Variants in DNAJC15 observed in about 807,000 individuals in gnomAD.
DNAJC15 encodes the protein DnaJ heat shock protein family (Hsp40) member C15.
In DNAJC15, 27 loss-of-function variants were observed where a neutral mutation model predicts 22.4. That is an observed-to-expected ratio of 1.20 (90% confidence interval 0.89 to 1.66). The LOEUF is 1.66. Among genes scored for constraint, DNAJC15 ranks in the 40% most tolerant of loss-of-function variants. The pLI, the probability that DNAJC15 is intolerant of heterozygous loss-of-function variation, is 0.00. For synonymous variants in DNAJC15, 79 were observed against 63.2 expected (o/e 1.25, Z -1.19); for missense variants, 208 against 187.1 (o/e 1.11, Z -0.65).
rs531121651 is a variant in DNAJC15 at position 43,093,761 on chromosome 13, A to G, written c.382+7923A>G. ...TATTTACCTATTAATTCATTTTAAA[A>G]TATTAAACTTCTTATATATTAGTAT... is the stretch of plus-strand genomic sequence containing the variant. On this transcript the variant is annotated intron_variant, in intron 5 of 5. Coordinates refer to ENST00000379221, the MANE Select transcript of DNAJC15 (RefSeq NM_013238.3). Among the ~76,000 whole-genome samples, 27 of 152,310 alleles carry G rather than the reference A, an allele frequency of 1.8e-4. 1 individual carries two copies. In the South Asian group the frequency reaches 4.8e-3, roughly 27 times the overall value.
intron 1 of DNAJC15, among the ~76,000 whole-genome samples, chr13:43,050,715 A>C (rs902709777): frequency 6.6e-6 from 1 of 152,236 alleles, no homozygotes; most frequent in Non-Finnish European, 1.5e-5. Flanking sequence ...ATTAAAATAC[A>C]AAGAGAGGTA....
At chr13:43,065,844 A>G in intron 2 of DNAJC15, 107 bp downstream of exon 2, 2 of 907,204 alleles carry the variant, frequency 2.2e-6, no homozygotes, top group Admixed American at 2.0e-5. Context: ...TGGTTTTCAG[A>G]CATAATACAT....
At chr13:43,066,947 A>T (rs1351398550) in intron 2 of DNAJC15, among the ~76,000 whole-genome samples, 2 of 152,352 alleles carry the variant, frequency 1.3e-5, no homozygotes, top group African/African-American at 2.4e-5. Flanking sequence ...TGAAGATCTA[A>T]AGTAAATTTG....
chr13:43,096,917 T>C (rs1019327260), intron 5 of DNAJC15, among the ~76,000 whole-genome samples: 3 of 152,116 alleles, frequency 2.0e-5, no homozygotes, highest in African/African-American at 7.2e-5. Flanking sequence ...AAACACCAAG[T>C]AGAGAGAGGC....
intron 4 of DNAJC15, among the ~76,000 whole-genome samples, chr13:43,079,549 T>C (rs2040652136): frequency 6.6e-6 from 1 of 152,040 alleles, no homozygotes; most frequent in South Asian, 2.1e-4. Flanking sequence ...TACCAGACAA[T>C]AGAAAATAGG....
chr13:43,089,330 A>G (rs1448173169), intron 5 of DNAJC15, among the ~76,000 whole-genome samples: 1 of 152,236 alleles, frequency 6.6e-6, no homozygotes, highest in African/African-American at 2.4e-5. Context: ...CCGTGGGATC[A>G]TGCATTCTAA....
At chr13:43,048,325 C>CAAAAAAAAAAA in intron 1 of DNAJC15, among the ~76,000 whole-genome samples, 1 of 130,358 alleles carries the variant, frequency 7.7e-6, no homozygotes, top group Non-Finnish European at 1.7e-5. Flanking sequence ...ACTAAAAATA[C>CAAAAAAAAAAA]AAAAAAAAAA....
At chr13:43,064,879 G>A (rs9533374) in intron 1 of DNAJC15, among the ~76,000 whole-genome samples, 33,511 of 151,490 alleles carry the variant, frequency 0.22, 4,409 homozygotes, top group Non-Finnish European at 0.3. Context: ...TGTATCTTAC[G>A]TGCCAACGCT....
At chr13:43,075,185 G>A (rs1282594303) in intron 3 of DNAJC15, among the ~76,000 whole-genome samples, 1 of 152,128 alleles carries the variant, frequency 6.6e-6, no homozygotes, top group Non-Finnish European at 1.5e-5. Flanking sequence ...GGGTTGTGTT[G>A]ATTATATGTA....
chr13:43,052,368 T>G (rs2040509274), intron 1 of DNAJC15, among the ~76,000 whole-genome samples: 2 of 152,152 alleles, frequency 1.3e-5, no homozygotes, highest in Non-Finnish European at 1.5e-5. Context: ...GAGCCATATG[T>G]TTTTTGGCTA....
rs575947807 is a variant in DNAJC15, at chr13:43,109,247, C to T, written c.*1999C>T. 6.6e-6 allele frequency: 1 copy of T among 152,182 alleles called. No individual in the cohort carries two copies. The highest frequency in any genetic ancestry group is 1.5e-5 in the Non-Finnish European group (1 of 68,022). The allele number at this position is 152,182 out of a possible 1,614,324, so 9.4% of individuals were successfully genotyped here. On this transcript the variant is annotated 3_prime_UTR_variant, in exon 6 of 6. Transcript: ENST00000379221. ...TAGCTTGGTACCTTGTGAAGCAACT[C>T]TTGGTGTAACATACCTTATTTCTCA...
At chr13:43,032,794 T>G (rs143398588) in intron 1 of DNAJC15, among the ~76,000 whole-genome samples, 87 of 152,234 alleles carry the variant, frequency 5.7e-4, no homozygotes, top group African/African-American at 1.9e-3. Flanking sequence ...CACTGCACTG[T>G]AGCCTGGGTG....
intron 5 of DNAJC15, among the ~76,000 whole-genome samples, chr13:43,104,927 G>A (rs113933713): frequency 6.6e-6 from 1 of 151,752 alleles, no homozygotes; most frequent in African/African-American, 2.4e-5. Context: ...GGGCTCAAGT[G>A]ATCCTCTCAC....
intron 1 of DNAJC15, among the ~76,000 whole-genome samples, chr13:43,055,340 C>A (rs1309422858): frequency 6.6e-6 from 1 of 152,158 alleles, no homozygotes; most frequent in Non-Finnish European, 1.5e-5. Flanking sequence ...TGGCACCACC[C>A]CCGCCACCTG....
intron 1 of DNAJC15, among the ~76,000 whole-genome samples, chr13:43,039,518 G>C (rs771773266): frequency 1.3e-5 from 2 of 152,064 alleles, no homozygotes; most frequent in Non-Finnish European, 2.9e-5. Flanking sequence ...AGTCTCAGGG[G>C]GTGGAGACAC....
intron 3 of DNAJC15, among the ~76,000 whole-genome samples, chr13:43,072,226 T>A (rs2040612586): frequency 6.6e-6 from 1 of 152,188 alleles, no homozygotes; most frequent in Non-Finnish European, 1.5e-5. Flanking sequence ...ATTTTCTCTT[T>A]CTTACTGATG....
intron 4 of DNAJC15, among the ~76,000 whole-genome samples, chr13:43,080,213 C>G (rs930338789): frequency 1.3e-5 from 2 of 152,082 alleles, no homozygotes; most frequent in African/African-American, 2.4e-5. Context: ...TTTTTCTGCT[C>G]CTCTCTTACC....
At chr13:43,101,482 G>A (rs532400544) in intron 5 of DNAJC15, among the ~76,000 whole-genome samples, 20 of 152,264 alleles carry the variant, frequency 1.3e-4, no homozygotes, top group African/African-American at 3.6e-4. Flanking sequence ...AAGCTTTTTT[G>A]TGGTGATTTC....
In DNAJC15 at chr13:43,037,257, A is replaced by G. The variant is rs556061017; in HGVS notation, c.108+13523A>G. 4.1e-4 allele frequency among the ~76,000 whole-genome samples: 63 copies of G among 152,362 alleles called. No individual in the cohort carries two copies. In the South Asian group the frequency reaches 0.013, roughly 31 times the overall value. On this transcript the variant is annotated intron_variant, in intron 1 of 5. Transcript: ENST00000379221. ...TTCCCAAGCAAGAAGAAATAAGCAA[A>G]ACTACAAAATGTTGCAGATAAGGTG...
Sources: gnomAD v4.1 joint callset for allele counts (sites outside exome capture counted in the v4.1 genomes callset) on GRCh38, gnomAD v4.1.1 for gene constraint, MANE v1.5 for transcripts, NCBI Gene and HGNC (gene_info 2026-07-23, HGNC 2026-07-21) for gene names.